Variants in COL18A1 observed in about 807,000 individuals in gnomAD.
COL18A1 encodes collagen type XVIII alpha 1 chain.
Under a neutral mutation model 168.0 loss-of-function variants are expected in COL18A1, and 133 were observed. The ratio of observed to expected loss-of-function variants is 0.79; its 90% CI spans 0.69 to 0.91. The LOEUF is 0.91. Among genes scored for constraint, COL18A1 ranks in the 40% least tolerant of loss-of-function variants. The pLI, the probability that COL18A1 is intolerant of heterozygous loss-of-function variation, is 0.00. For missense variants in COL18A1, 2,126 were observed against 1,925.4 expected (o/e 1.10, Z -1.95); for synonymous variants, 949 against 809.0 (o/e 1.17, Z -2.94).
rs1405984023 is a variant in COL18A1 at position 45,468,340 on chromosome 21, G to A, written c.205G>A (p.Val69Ile). 1.2e-5 allele frequency: 20 copies of A among 1,613,638 alleles called. No homozygotes were observed. The highest frequency in any genetic ancestry group is 1.7e-5 in the Admixed American group (1 of 60,036). ...TGACCCCGACGTCGGGCTGGCCTAC[G>A]TCTTTGGGCCAGATGCCAACAGTGG... ...TDDPDVGLAY[V>I]FGPDANSGQV... The change falls in exon 3 of 42, where the codon GTC (valine) becomes ATC (isoleucine). Residue 69 changes from valine (V) to isoleucine (I), a missense_variant. By Grantham distance (29) the Val-to-Ile change is conservative (BLOSUM62 3). Coordinates refer to ENST00000651438, the MANE Select transcript of COL18A1 (RefSeq NM_001379500.1).
At chr21:45,489,444 C>T in intron 18 of COL18A1, 42 bp from the exon 19 acceptor site, 2 of 1,509,684 alleles carry the variant, frequency 1.3e-6, no homozygotes, top group Non-Finnish European at 1.8e-6. Flanking sequence ...GAGGACTGGG[C>T]TGGCCCCAGC....
intron 41 of COL18A1, among the ~76,000 whole-genome samples, chr21:45,511,822 C>T (rs959961170): frequency 6.6e-5 from 10 of 152,210 alleles, no homozygotes; most frequent in African/African-American, 2.2e-4. Context: ...CAGGGCTGGG[C>T]CCCAGGGAAG....
intron 2 of COL18A1, among the ~76,000 whole-genome samples, chr21:45,416,635 C>G (rs1367216496): frequency 6.6e-6 from 1 of 152,138 alleles, no homozygotes; most frequent in East Asian, 1.9e-4. Context: ...ACCTGGTCAC[C>G]CGGCATCTCT....
At chr21:45,477,321 T>G in intron 6 of COL18A1, 90 bp from the exon 7 acceptor site, 1 of 1,032,982 alleles carries the variant, frequency 9.7e-7, no homozygotes, top group Non-Finnish European at 1.5e-6. Context: ...ACTGAAAGCG[T>G]TTGGGCTGCC....
chr21:45,444,079 T>G (rs1490478047), intron 2 of COL18A1, among the ~76,000 whole-genome samples: 2 of 152,192 alleles, frequency 1.3e-5, no homozygotes, highest in Non-Finnish European at 2.9e-5. Flanking sequence ...TCTCTTGTCT[T>G]CTGTTCGGCC....
chr21:45,490,775 A>T (rs1489227461), intron 20 of COL18A1, 61 bp from the exon 21 acceptor site: 18 of 1,519,008 alleles, frequency 1.2e-5, no homozygotes, highest in Non-Finnish European at 1.4e-5. Flanking sequence ...GCCATCCCTC[A>T]CGGGGGGCCA....
Position 45,473,731 on chromosome 21 carries a change from A to C in COL18A1, c.652-164A>C, listed in dbSNP as rs2035530711. On this transcript the variant is annotated intron_variant, in intron 3 of 41. Transcript: ENST00000651438. This position sits in a 1 kb window ranked among gnomAD's most constrained non-coding sequence, Gnocchi z 4.0. ...CCCCTGGGTCTCACCACTTCTTCCT[A>C]CCATGAGGCATACCGCACCCCCAGG... 6.6e-6 allele frequency among the ~76,000 whole-genome samples: 1 copy of C among 151,926 alleles called. No individual in the cohort carries two copies. The highest frequency in any genetic ancestry group is 1.5e-5 in the Non-Finnish European group (1 of 67,954).
intron 2 of COL18A1, among the ~76,000 whole-genome samples, chr21:45,427,356 G>A (rs994700754): frequency 6.6e-6 from 1 of 152,192 alleles, no homozygotes; most frequent in Non-Finnish European, 1.5e-5. Context: ...TGAATCAGGA[G>A]GCCAGATGTG....
intron 2 of COL18A1, among the ~76,000 whole-genome samples, chr21:45,426,630 C>A (rs2033811752): frequency 2.0e-5 from 3 of 152,226 alleles, no homozygotes; most frequent in Admixed American, 1.3e-4. Flanking sequence ...CCCTTGGGTG[C>A]CAGGCCTGGC....
At chr21:45,487,262 G>T (rs2036147224) in intron 16 of COL18A1, among the ~76,000 whole-genome samples, 185 bp from the exon 17 acceptor site, 1 of 152,220 alleles carries the variant, frequency 6.6e-6, no homozygotes, top group African/African-American at 2.4e-5. Flanking sequence ...GAGACGGGCT[G>T]CCCCGGGGGG....
At chr21:45,451,201 A>G (rs2034614605) in intron 2 of COL18A1, among the ~76,000 whole-genome samples, 1 of 152,236 alleles carries the variant, frequency 6.6e-6, no homozygotes. Flanking sequence ...TGCCCTGGCC[A>G]GATGGCCGGC....
intron 2 of COL18A1, among the ~76,000 whole-genome samples, chr21:45,432,508 C>T (rs1343251558): frequency 6.6e-6 from 1 of 152,232 alleles, no homozygotes; most frequent in East Asian, 1.9e-4. Flanking sequence ...GCTATGCAGG[C>T]CCTGCTGGGA....
chr21:45,463,394 G>A lies in COL18A1; in HGVS notation c.107-4848G>A, dbSNP rs2035104696. ...GTGGCTGCTATTGTGCCAAGAGCTG[G>A]GGTTTAGCTAAATTAACCACCCGTT... On this transcript the variant is annotated intron_variant, in intron 2 of 41. Coordinates refer to ENST00000651438, the MANE Select transcript of COL18A1 (RefSeq NM_001379500.1). This position sits in a 1 kb window ranked among gnomAD's most constrained non-coding sequence, Gnocchi z 4.0. 6.6e-6 allele frequency among the ~76,000 whole-genome samples: 1 copy of A among 152,182 alleles called. No homozygotes were observed. Among genetic ancestry groups the A allele is most frequent in the Admixed American group, 6.5e-5 (1 of 15,280 alleles).
intron 26 of COL18A1, chr21:45,493,829 A>G (rs1251930081): frequency 2.4e-5 from 13 of 538,528 alleles, no homozygotes; most frequent in Non-Finnish European, 4.0e-5. Flanking sequence ...GGAGGTTCTC[A>G]GTGGGCTGCA....
At position 45,497,235 on chromosome 21, in the gene COL18A1, G is replaced by C. The variant is rs1051950922; in HGVS notation, c.2620+143G>C. 21 of 714,654 alleles carry C rather than the reference G, an allele frequency of 2.9e-5. No homozygotes were observed. The South Asian group carries it at 3.1e-4, about 11-fold the overall frequency. 44.3% of individuals were successfully genotyped at this position (714,654 alleles called of 1,614,324 possible). A position where few individuals can be genotyped will look rare whatever the true frequency, so the allele number is the denominator to read the frequency against. On this transcript the variant is annotated intron_variant, in intron 31 of 41. Transcript: ENST00000651438. ...CACGCCCAGCCCACGCCCCAGTTCC[G>C]ATGACCTTGGCCCTTCCTGCGGGCC...
Position 45,512,834 on chromosome 21 carries a change from G to A in COL18A1, c.*436G>A, listed in dbSNP as rs903897047. 1 of 287,294 alleles carries A rather than the reference G, an allele frequency of 3.5e-6. No individual in the cohort carries two copies. The highest frequency in any genetic ancestry group is 5.0e-5 in the Admixed American group (1 of 20,078). The allele number at this position is 287,294 out of a possible 1,614,324, so 17.8% of individuals were successfully genotyped here. On this transcript the variant is annotated 3_prime_UTR_variant, in exon 42 of 42. Transcript: ENST00000651438. ...CCTGTTAGCAGACAGGCCCCGTGAG[G>A]CAATGGGAGCTGAGGCCACACTCAG...
Position 45,486,959 on chromosome 21 carries a change from TG to T in COL18A1, c.1803del (p.Pro603GlnfsTer121). 6.7e-7 allele frequency: 1 copy of T among 1,499,896 alleles called. No homozygotes were observed. 92.9% of individuals were successfully genotyped at this position (1,499,896 alleles called of 1,614,324 possible). A position where few individuals can be genotyped will look rare whatever the true frequency, so the allele number is the denominator to read the frequency against. ...AGPPGPPGPPGPPGPGLPAGF... is the reference protein window; with the variant it reads ...AGPPGPPGPPXPPGPGLPAGF... The stretch of plus-strand genomic sequence containing the variant: ...GACCACCAGGCCCCCCTGGGCCCCC[TG>T]GGCCCCCAGGACCAGGACTCCCCGC... On this transcript the variant is annotated frameshift_variant, in exon 16 of 42. Transcript: ENST00000651438. LOFTEE classifies it high-confidence loss of function.
Position 45,481,992 on chromosome 21 carries a change from G to A in COL18A1, c.1641G>A (p.Gly547=), listed in dbSNP as rs892371232. The A allele has an allele frequency of 6.2e-7, 1 of 1,613,622 alleles. No individual in the cohort carries two copies. Among genetic ancestry groups the A allele is most frequent in the Non-Finnish European group, 8.5e-7 (1 of 1,179,658 alleles). ...PGPPGPPGRE[G]PPGRTGQKGS... ...CCCCAGGCCCTCCGGGAAGAGAGGG[G>A]CCCCCAGGAAGGACTGGGCAGAAAG... Residue 547 remains glycine, a synonymous_variant, in exon 14 of 42, where the codon GGG becomes GGA. Coordinates refer to ENST00000651438, the MANE Select transcript of COL18A1 (RefSeq NM_001379500.1).
chr21:45,455,377 CCTT>C, intron 2 of COL18A1: 1 of 1,053,436 alleles, frequency 9.5e-7, no homozygotes, highest in Non-Finnish European at 1.4e-6. Flanking sequence ...AAGGCTGGTG[CCTT>C]CTTTCCTTCT....
Sources: allele counts gnomAD v4.1 joint callset (sites outside exome capture counted in the v4.1 genomes callset), GRCh38; gene constraint gnomAD v4.1.1; non-coding constraint Gnocchi (gnomAD v3.1); transcripts MANE v1.5; gene names NCBI Gene and HGNC (gene_info 2026-07-23, HGNC 2026-07-21).